RAD51B: variants seen among roughly 807,000 people sequenced by gnomAD.
RAD51B encodes RAD51 paralog B.
A neutral mutation model predicts 42.2 loss-of-function variants in RAD51B; 38 were observed. The ratio of observed to expected loss-of-function variants is 0.90; its 90% CI spans 0.70 to 1.18. RAD51B has a LOEUF of 1.18. Ranked by LOEUF, RAD51B falls within the 50% of genes most tolerant of loss-of-function variation. RAD51B has a pLI of 0.00. For missense variants in RAD51B, 373 were observed against 400.7 expected (o/e 0.93, Z 0.59); for synonymous variants, 154 against 145.2 (o/e 1.06, Z -0.43).
At chr14:68,671,819 CA>C (rs112197030) in intron 11 of RAD51B, among the ~76,000 whole-genome samples, 2,277 of 145,164 alleles carry the variant, frequency 0.016, 70 homozygotes, top group African/African-American at 0.052. Flanking sequence ...GACTGGTTAT[CA>C]AAAAAAAAAA....
At chr14:68,211,925 G>A (rs778075388) in intron 7 of RAD51B, among the ~76,000 whole-genome samples, 6 of 152,202 alleles carry the variant, frequency 3.9e-5, no homozygotes, top group Admixed American at 6.5e-5. Flanking sequence ...CTATTATGAT[G>A]TCTTGTGTTT....
At chr14:68,205,436 G>A (rs984748392) in intron 7 of RAD51B, among the ~76,000 whole-genome samples, 2 of 152,114 alleles carry the variant, frequency 1.3e-5, no homozygotes, top group Non-Finnish European at 2.9e-5. Context: ...GGCAGTATGT[G>A]GTGAAATGGC....
Position 67,859,923 on chromosome 14 carries a change from C to T in RAD51B, c.316-5080C>T, listed in dbSNP as rs568667375. Among the ~76,000 whole-genome samples, 53 of 152,136 alleles carry T rather than the reference C, an allele frequency of 3.5e-4. 1 individual carries two copies. The South Asian group carries it at 0.011, about 30-fold the overall frequency. On this transcript the variant is annotated intron_variant, in intron 4 of 10. Transcript: ENST00000471583. ...GCAACCTCCACCTCCCAGGTTCGTG[C>T]GATTCTCCTGTCTCAGCCTCCCGAG...
In RAD51B at chr14:67,929,253, T is replaced by C. The variant is rs560078354; in HGVS notation, c.756+42049T>C. Among the ~76,000 whole-genome samples the C allele has an allele frequency of 2.0e-5, 3 of 152,280 alleles. No homozygotes were observed. In the South Asian group the frequency reaches 6.2e-4, roughly 32 times the overall value. On this transcript the variant is annotated intron_variant, in intron 7 of 10. Transcript: ENST00000471583. ...GCTATAAACTCCCCTCTTAACATAC[T>C]TTTGCTATGTCCCACAGGTTTTGGT...
At chr14:68,152,463 G>A (rs1192765310) in intron 7 of RAD51B, among the ~76,000 whole-genome samples, 6 of 152,158 alleles carry the variant, frequency 3.9e-5, no homozygotes, top group South Asian at 2.1e-4. Context: ...ACTTGCTAGT[G>A]TTGAGGGACT....
At chr14:68,271,587 C>T (rs564262826) in intron 7 of RAD51B, among the ~76,000 whole-genome samples, 4 of 152,236 alleles carry the variant, frequency 2.6e-5, no homozygotes, top group African/African-American at 9.6e-5. Flanking sequence ...GGGTTCTGGG[C>T]TTTAGCTTCC....
chr14:67,938,520 A>G (rs184487051), intron 7 of RAD51B, among the ~76,000 whole-genome samples: 15 of 152,338 alleles, frequency 9.8e-5, no homozygotes, highest in Admixed American at 7.8e-4. Flanking sequence ...GCGTAGGCCT[A>G]TCCTTTAGAA....
chr14:68,595,061 T>C, exon 11 of RAD51B: 1 of 1,071,282 alleles, frequency 9.3e-7, no homozygotes, highest in South Asian at 4.4e-5. Flanking sequence ...ATTTACTCAG[T>C]GCTCCTGAGC....
chr14:68,641,855 C>G (rs1247259578), intron 10 of RAD51B, among the ~76,000 whole-genome samples: 2 of 135,280 alleles, frequency 1.5e-5, no homozygotes, highest in African/African-American at 5.1e-5. Context: ...GCCACCATGC[C>G]TGGCTGGGAT....
chr14:68,016,980 A>G (rs1304263149), intron 7 of RAD51B, among the ~76,000 whole-genome samples: 1 of 152,204 alleles, frequency 6.6e-6, no homozygotes, highest in Non-Finnish European at 1.5e-5. Flanking sequence ...ATTTAAAAAT[A>G]TAGACATATG....
intron 9 of RAD51B, among the ~76,000 whole-genome samples, chr14:68,417,689 G>A (rs1324615841): frequency 6.6e-6 from 1 of 152,176 alleles, no homozygotes; most frequent in Non-Finnish European, 1.5e-5. Context: ...GACTGAGAAA[G>A]GGCAACACAG....
chr14:67,852,788 TA>T (rs35685545), intron 4 of RAD51B, among the ~76,000 whole-genome samples: 45,400 of 150,248 alleles, frequency 0.3, 7,224 homozygotes, highest in Middle Eastern at 0.42. Context: ...TGTGTATAAT[TA>T]AAAAAAAAAC....
At chr14:68,021,263 A>G (rs2075859977) in intron 7 of RAD51B, among the ~76,000 whole-genome samples, 1 of 152,212 alleles carries the variant, frequency 6.6e-6, no homozygotes, top group Admixed American at 6.5e-5. Context: ...TAAAGGGAGA[A>G]CATTGCCTCC....
chr14:68,277,506 C>G (rs750613715), intron 7 of RAD51B, among the ~76,000 whole-genome samples: 2 of 152,130 alleles, frequency 1.3e-5, no homozygotes, highest in Non-Finnish European at 2.9e-5. Flanking sequence ...CATTTATATG[C>G]TGTAAACTTT....
intron 8 of RAD51B, among the ~76,000 whole-genome samples, chr14:68,330,251 G>A (rs1055469138): frequency 1.3e-5 from 2 of 152,164 alleles, no homozygotes; most frequent in Non-Finnish European, 2.9e-5. Flanking sequence ...TCTGAAGAGC[G>A]ATGAAAGTAG....
intron 7 of RAD51B, among the ~76,000 whole-genome samples, chr14:68,151,678 ATC>A (rs1239068527): frequency 6.6e-6 from 1 of 151,718 alleles, no homozygotes; most frequent in Non-Finnish European, 1.5e-5. Flanking sequence ...TTCTCTAATC[ATC>A]TCTTTTGCAA....
chr14:68,008,725 A>G (rs2075633210), intron 7 of RAD51B, among the ~76,000 whole-genome samples: 1 of 152,030 alleles, frequency 6.6e-6, no homozygotes, highest in South Asian at 2.1e-4. Context: ...AGTGATAGGA[A>G]GCAGTGTTGA....
chr14:67,926,656 T>C (rs1164654307), intron 7 of RAD51B, among the ~76,000 whole-genome samples: 2 of 143,196 alleles, frequency 1.4e-5, no homozygotes, highest in African/African-American at 5.3e-5. Context: ...CTCCGCCTCC[T>C]GGGTTCAAGC....
At chr14:68,086,942 C>G (rs2076994423) in intron 7 of RAD51B, among the ~76,000 whole-genome samples, 1 of 151,964 alleles carries the variant, frequency 6.6e-6, no homozygotes, top group Admixed American at 6.6e-5. Context: ...TCGAGACCAG[C>G]CTGACCAACA....
Sources: allele counts gnomAD v4.1 joint callset (sites outside exome capture counted in the v4.1 genomes callset), GRCh38; gene constraint gnomAD v4.1.1; transcripts MANE v1.5; gene names NCBI Gene and HGNC (gene_info 2026-07-23, HGNC 2026-07-21).